The following NRP1 variants were observed in gnomAD, a reference collection of about 807,000 sequenced individuals.
NRP1 encodes the protein neuropilin-1.
A neutral mutation model predicts 106.7 loss-of-function variants in NRP1; 35 were observed. That is an observed-to-expected ratio of 0.33 (90% CI 0.25 to 0.43). NRP1 has a LOEUF of 0.43. NRP1 is among the 20% of genes least tolerant of loss of function. NRP1 has a pLI of 1.00. For missense variants in NRP1, 1,024 were observed against 1,170.4 expected (o/e 0.87, Z 1.83); for synonymous variants, 437 against 417.9 (o/e 1.05, Z -0.56).
intron 2 of NRP1, among the ~76,000 whole-genome samples, chr10:33,290,889 C>T (rs1256131881): frequency 3.3e-5 from 5 of 152,154 alleles, no homozygotes; most frequent in South Asian, 2.1e-4. Flanking sequence ...AAATGCAAGA[C>T]GGCATCTCAC....
In NRP1 at chr10:33,186,354, C is replaced by T. The variant is rs2228638; in HGVS notation, c.2197G>A (p.Val733Ile). The T allele has an allele frequency of 0.1, 166,190 of 1,613,934 alleles. 9,805 individuals are homozygous for T. The highest frequency in any genetic ancestry group is 0.23 in the Admixed American group (13,811 of 59,992). Residue 733 changes from valine (V) to isoleucine (I), a missense_variant, in exon 14 of 17, where the codon GTC (valine) becomes ATC (isoleucine). Val to Ile is a conservative substitution (Grantham distance 29, BLOSUM62 3). Transcript: ENST00000374867. The part of the protein sequence containing the change: ...TFWYHMSGSH[V>I]GTLRVKLRYQ... Reference sequence around the variant, plus strand: ...CGCAGTTTGACCCTGAGTGTGCCGACGTGGGACCCAGACATGTGATACCAG... The same window carrying T: ...CGCAGTTTGACCCTGAGTGTGCCGATGTGGGACCCAGACATGTGATACCAG...
intron 8 of NRP1, among the ~76,000 whole-genome samples, chr10:33,214,439 G>T (rs1021080424): frequency 6.6e-6 from 1 of 152,036 alleles, no homozygotes; most frequent in South Asian, 2.1e-4. Flanking sequence ...TAGTCATCTC[G>T]TCATTTCCGT....
intron 2 of NRP1, among the ~76,000 whole-genome samples, chr10:33,281,144 G>A (rs1844098796): frequency 6.6e-6 from 1 of 151,552 alleles, no homozygotes; most frequent in Non-Finnish European, 1.5e-5. Flanking sequence ...CTGCCTACAA[G>A]GTTCAAGCGA....
intron 13 of NRP1, among the ~76,000 whole-genome samples, chr10:33,190,277 C>A (rs1437552811): frequency 1.3e-5 from 2 of 152,224 alleles, no homozygotes; most frequent in Non-Finnish European, 2.9e-5. Context: ...CATTTTGCTT[C>A]ACTTTGCATC....
chr10:33,308,712 C>A (rs1247949129), intron 2 of NRP1, among the ~76,000 whole-genome samples: 1 of 152,098 alleles, frequency 6.6e-6, no homozygotes, highest in Non-Finnish European at 1.5e-5. Flanking sequence ...TGGTCTTGAA[C>A]TCCTGACCTC....
chr10:33,229,072 A>G (rs960526772), intron 6 of NRP1, among the ~76,000 whole-genome samples: 2 of 152,224 alleles, frequency 1.3e-5, no homozygotes, highest in African/African-American at 4.8e-5. Flanking sequence ...AGTACAAAAC[A>G]TCAGTTAAAT....
intron 8 of NRP1, among the ~76,000 whole-genome samples, chr10:33,216,416 G>A (rs1430432157): frequency 3.3e-5 from 5 of 150,954 alleles, no homozygotes; most frequent in South Asian, 2.1e-4. Flanking sequence ...TTACAGGTGT[G>A]AGCCACGGCG....
chr10:33,213,430 A>C lies in NRP1; in HGVS notation c.1570T>G (p.Ser524Ala). The C allele has an allele frequency of 6.2e-7, 1 of 1,613,338 alleles. No individual in the cohort carries two copies. The highest frequency in any genetic ancestry group is 8.5e-7 in the Non-Finnish European group (1 of 1,179,908). ...KFKIGYSNNG[S>A]DWKMIMDDSK... The stretch of plus-strand genomic sequence containing the variant: ...TCATCCATGATCATCTTCCAGTCCG[A>C]GCCGTTGTTGCTGTACCCGATCTTG... Residue 524 changes from serine to alanine, a missense_variant, in exon 9 of 17, where the codon TCG (serine) becomes GCG (alanine). Transcript: ENST00000374867.
At position 33,178,994 on chromosome 10, in the gene NRP1, A is replaced by T. The variant is rs879521803; in HGVS notation, c.*1082T>A. The T allele has an allele frequency of 6.5e-6, 1 of 152,682 alleles. No homozygotes were observed. Among genetic ancestry groups the T allele is most frequent in the Non-Finnish European group, 1.5e-5 (1 of 68,040 alleles). The allele number at this position is 152,682 out of a possible 1,614,324, so 9.5% of individuals were successfully genotyped here. A position where few individuals can be genotyped will look rare whatever the true frequency, so the allele number is the denominator to read the frequency against. On this transcript the variant is annotated 3_prime_UTR_variant, in exon 17 of 17. Coordinates refer to ENST00000374867, the MANE Select transcript of NRP1 (RefSeq NM_003873.7). ...ATGGCAAATCCTCCAATTCTAAGAG[A>T]GAAAAAAGACAGAGAGATAGGAGAG... is the stretch of plus-strand genomic sequence containing the variant.
chr10:33,305,234 T>G (rs1455273019), intron 2 of NRP1, among the ~76,000 whole-genome samples: 1 of 152,224 alleles, frequency 6.6e-6, no homozygotes, highest in Non-Finnish European at 1.5e-5. Context: ...TTAAAAAATT[T>G]TTGTGCACCT....
chr10:33,319,726 A>G (rs1251685995), intron 2 of NRP1, among the ~76,000 whole-genome samples: 2 of 151,306 alleles, frequency 1.3e-5, no homozygotes, highest in African/African-American at 4.9e-5. Flanking sequence ...AGCTGGGACT[A>G]CAGGTGCCAG....
intron 8 of NRP1, among the ~76,000 whole-genome samples, chr10:33,218,299 C>T (rs749959058): frequency 2.0e-5 from 3 of 151,776 alleles, no homozygotes; most frequent in Non-Finnish European, 2.9e-5. Flanking sequence ...TATATGGTGA[C>T]AAACTCTGAA....
chr10:33,255,606 C>A (rs1172279315), intron 5 of NRP1, among the ~76,000 whole-genome samples: 2 of 152,178 alleles, frequency 1.3e-5, no homozygotes, highest in Non-Finnish European at 2.9e-5. Flanking sequence ...CACAATCCCC[C>A]ATGCCCAGCT....
chr10:33,199,387 ATATTTTTTTTTTTTTTT>A (rs1837086886), intron 11 of NRP1, among the ~76,000 whole-genome samples: 2 of 55,772 alleles, frequency 3.6e-5, no homozygotes, highest in African/African-American at 7.3e-5. Flanking sequence ...ATATATATAT[ATATTTTTTTTTTTTTTT>A]TTTTTTTTTT....
intron 2 of NRP1, among the ~76,000 whole-genome samples, chr10:33,317,817 A>G (rs1588983944): frequency 6.6e-6 from 1 of 152,326 alleles, no homozygotes; most frequent in East Asian, 1.9e-4. Flanking sequence ...CATTATAACA[A>G]ACTTAACTGG....
At chr10:33,280,343 G>A (rs1257980871) in intron 2 of NRP1, among the ~76,000 whole-genome samples, 2 of 152,152 alleles carry the variant, frequency 1.3e-5, no homozygotes, top group African/African-American at 2.4e-5. Context: ...AGAAGTGATG[G>A]AATCTTCTAG....
At chr10:33,204,275 A>G (rs539208044) in intron 10 of NRP1, among the ~76,000 whole-genome samples, 1 of 152,272 alleles carries the variant, frequency 6.6e-6, no homozygotes, top group South Asian at 2.1e-4. Flanking sequence ...AAGCAGAGTT[A>G]CGGCACATGG....
chr10:33,291,080 T>A (rs1844962335), intron 2 of NRP1, among the ~76,000 whole-genome samples: 1 of 152,206 alleles, frequency 6.6e-6, no homozygotes, highest in Admixed American at 6.5e-5. Context: ...GGTGCTTTTA[T>A]AAATAGTCAC....
At chr10:33,322,453 C>T (rs1375673250) in intron 2 of NRP1, among the ~76,000 whole-genome samples, 1 of 152,162 alleles carries the variant, frequency 6.6e-6, no homozygotes, top group East Asian at 1.9e-4. Flanking sequence ...TTATAGCTCA[C>T]TGTCACCTCA....
Sources: allele counts gnomAD v4.1 joint callset (sites outside exome capture counted in the v4.1 genomes callset), GRCh38; gene constraint gnomAD v4.1.1; transcripts MANE v1.5; gene names NCBI Gene and HGNC (gene_info 2026-07-23, HGNC 2026-07-21).